The following FYN variants were observed in gnomAD, a reference collection of about 807,000 sequenced individuals.
FYN encodes FYN proto-oncogene, Src family tyrosine kinase.
FYN carries 10 observed loss-of-function variants against 70.2 expected under a neutral mutation model. The observed-to-expected ratio is 0.14, with a 90% CI of 0.09 to 0.24. The LOEUF (loss-of-function observed/expected upper bound fraction) is 0.24, where lower values mean the gene tolerates loss of function less well. Among genes scored for constraint, FYN ranks in the 10% least tolerant of loss-of-function variants. FYN has a pLI of 1.00. For missense variants in FYN, 319 were observed against 673.1 expected, an observed-to-expected ratio of 0.47 and a Z score of 5.82; for synonymous variants, 236 against 248.6, an observed-to-expected ratio of 0.95 and a Z score of 0.48.
chr6:111,829,448 T>C lies in FYN; in HGVS notation c.-82+17141A>G, dbSNP rs913319818. ...AAACGTAGGATAATTAGTAAGTATGTACTAATGCTTATTAAGGTGCAGCAG... is the reference window on the plus strand; with the variant it reads ...AAACGTAGGATAATTAGTAAGTATGCACTAATGCTTATTAAGGTGCAGCAG... On this transcript the variant is annotated intron_variant, in intron 2 of 13. Coordinates refer to ENST00000354650, the MANE Select transcript of FYN (RefSeq NM_002037.5). 1.6e-3 allele frequency among the ~76,000 whole-genome samples: 251 copies of C among 152,136 alleles called. 2 individuals are homozygous for C. Among genetic ancestry groups the C allele is most frequent in the Non-Finnish European group, 5.9e-5 (4 of 68,010 alleles).
At chr6:111,735,929 G>A (rs1801691311) in intron 3 of FYN, among the ~76,000 whole-genome samples, 2 of 152,216 alleles carry the variant, frequency 1.3e-5, no homozygotes, top group African/African-American at 4.8e-5. Context: ...GAGAGCCCTG[G>A]CACACAAAAC....
chr6:111,663,997 G>A (rs1562457926), intron 13 of FYN, among the ~76,000 whole-genome samples: 1 of 152,166 alleles, frequency 6.6e-6, no homozygotes, highest in Non-Finnish European at 1.5e-5. Flanking sequence ...TAACTCACTT[G>A]ACTACAGAAC....
chr6:111,702,099 A>G (rs1799867163), intron 8 of FYN, among the ~76,000 whole-genome samples: 1 of 152,244 alleles, frequency 6.6e-6, no homozygotes, highest in Non-Finnish European at 1.5e-5. Flanking sequence ...TTAATAGGAT[A>G]TAGACATGTG....
intron 2 of FYN, among the ~76,000 whole-genome samples, chr6:111,794,533 C>A (rs573893898): frequency 2.6e-5 from 4 of 152,182 alleles, no homozygotes; most frequent in Non-Finnish European, 4.4e-5. Flanking sequence ...CGGTCAGCAA[C>A]CCCCAGCCTG....
At chr6:111,839,368 G>A (rs190769367) in intron 2 of FYN, among the ~76,000 whole-genome samples, 6 of 152,224 alleles carry the variant, frequency 3.9e-5, no homozygotes, top group African/African-American at 1.2e-4. Flanking sequence ...GTAGCATGGG[G>A]AAAGGAGATG....
At chr6:111,869,775 C>T (rs930483034) in intron 1 of FYN, among the ~76,000 whole-genome samples, 1 of 152,160 alleles carries the variant, frequency 6.6e-6, no homozygotes, top group African/African-American at 2.4e-5. Context: ...AAGAAAGGTG[C>T]TTTTGGAGTA....
intron 2 of FYN, among the ~76,000 whole-genome samples, chr6:111,841,803 A>T (rs1431712688): frequency 6.6e-6 from 1 of 151,382 alleles, no homozygotes; most frequent in African/African-American, 2.4e-5. Context: ...TGGAAATTCA[A>T]ATTGGCAGAG....
chr6:111,726,012 C>T (rs1231798329), intron 3 of FYN, among the ~76,000 whole-genome samples: 3 of 152,192 alleles, frequency 2.0e-5, no homozygotes, highest in Non-Finnish European at 4.4e-5. Flanking sequence ...AGATTCTCCA[C>T]AGCTGCCTTT....
chr6:111,803,370 C>A (rs1439568548), intron 2 of FYN, among the ~76,000 whole-genome samples: 1 of 152,068 alleles, frequency 6.6e-6, no homozygotes, highest in Non-Finnish European at 1.5e-5. Flanking sequence ...TTTTACCCCA[C>A]AATCTTTTTT....
chr6:111,716,642 A>G (rs1800654930), intron 4 of FYN, among the ~76,000 whole-genome samples: 2 of 148,868 alleles, frequency 1.3e-5, no homozygotes, highest in Admixed American at 6.6e-5. Context: ...GGGAAACATA[A>G]CCTCTGTATA....
chr6:111,815,865 A>G (rs1049936296), intron 2 of FYN, among the ~76,000 whole-genome samples: 1 of 151,908 alleles, frequency 6.6e-6, no homozygotes, highest in African/African-American at 2.4e-5. Flanking sequence ...GGTATGTGCT[A>G]ATTTTTGTAG....
chr6:111,764,772 A>C (rs1803161899), intron 3 of FYN, among the ~76,000 whole-genome samples: 1 of 152,036 alleles, frequency 6.6e-6, no homozygotes, highest in Non-Finnish European at 1.5e-5. Flanking sequence ...AAGGTGGAAG[A>C]AAAAAAACCC....
At chr6:111,698,696 A>C (rs368066658) in intron 9 of FYN, among the ~76,000 whole-genome samples, 4 of 152,214 alleles carry the variant, frequency 2.6e-5, no homozygotes, top group Non-Finnish European at 4.4e-5. Flanking sequence ...ATGACAATCA[A>C]ATAAAGAGAA....
Position 111,694,584 on chromosome 6 carries a change from C to T in FYN, c.1119+44G>A, listed in dbSNP as rs759563917. On this transcript the variant is annotated intron_variant, in intron 11 of 13. Transcript: ENST00000354650. This position sits in a 1 kb window ranked among gnomAD's most constrained non-coding sequence, Gnocchi z 5.0. ...CACCACGACCCAATGTACTTAGACA[C>T]GTCATTAAATCTATGGCACATCAAG... 59 of 1,613,434 alleles carry T rather than the reference C, an allele frequency of 3.7e-5. No homozygotes were observed. In the Admixed American group the frequency reaches 5.2e-4, roughly 14 times the overall value.
intron 2 of FYN, among the ~76,000 whole-genome samples, chr6:111,823,020 T>C (rs1442036747): frequency 6.6e-6 from 1 of 152,234 alleles, no homozygotes; most frequent in Non-Finnish European, 1.5e-5. Context: ...GCACATCACA[T>C]GCCACAGGGC....
At chr6:111,675,323 C>T (rs1390431475) in intron 12 of FYN, among the ~76,000 whole-genome samples, 2 of 152,328 alleles carry the variant, frequency 1.3e-5, no homozygotes, top group African/African-American at 2.4e-5. Flanking sequence ...GTTCTGCCTC[C>T]ATGACTGTCT....
At chr6:111,737,080 C>T (rs1228147952) in intron 3 of FYN, among the ~76,000 whole-genome samples, 3 of 152,190 alleles carry the variant, frequency 2.0e-5, no homozygotes, top group Admixed American at 1.3e-4. Flanking sequence ...CTCAAACACT[C>T]GACTCTTTAA....
At chr6:111,851,431 C>T (rs1037460664) in intron 1 of FYN, among the ~76,000 whole-genome samples, 5 of 152,162 alleles carry the variant, frequency 3.3e-5, no homozygotes, top group African/African-American at 9.7e-5. Flanking sequence ...CCAGCACCTC[C>T]GCCTTGCACA....
At chr6:111,725,147 G>A (rs908013494) in intron 3 of FYN, among the ~76,000 whole-genome samples, 10 of 152,228 alleles carry the variant, frequency 6.6e-5, no homozygotes, top group Admixed American at 4.6e-4. Flanking sequence ...CTTGATCCTC[G>A]CAAAATTAGA....
Sources: gnomAD v4.1 joint callset for allele counts (sites outside exome capture counted in the v4.1 genomes callset) on GRCh38, gnomAD v4.1.1 for gene constraint, Gnocchi (gnomAD v3.1) non-coding constraint, MANE v1.5 for transcripts, NCBI Gene and HGNC (gene_info 2026-07-23, HGNC 2026-07-21) for gene names.